NLRP5: variants seen among roughly 807,000 people sequenced by gnomAD.
NLRP5 encodes NACHT, LRR and PYD domains-containing protein 5.
A neutral mutation model predicts 113.1 loss-of-function variants in NLRP5; 93 were observed. The ratio of observed to expected loss-of-function variants is 0.82; its 90% CI spans 0.70 to 0.98. The LOEUF (loss-of-function observed/expected upper bound fraction) is 0.98. NLRP5 is among the 50% of genes least tolerant of loss of function. The pLI, the probability that NLRP5 is intolerant of heterozygous loss-of-function variation, is 0.00. For synonymous variants in NLRP5, 751 were observed against 600.7 expected (o/e 1.25, Z -3.66); for missense variants, 1,808 against 1,514.3 (o/e 1.19, Z -3.22).
At chr19:56,013,590 A>G (rs1173540982) in intron 3 of NLRP5, among the ~76,000 whole-genome samples, 3 of 35,662 alleles carry the variant, frequency 8.4e-5, no homozygotes, top group African/African-American at 4.0e-4. Context: ...CATGATGGAC[A>G]TTTGGGTTTT....
At chr19:56,000,435 A>G (rs997950834) in intron 1 of NLRP5, among the ~76,000 whole-genome samples, 15 of 151,634 alleles carry the variant, frequency 9.9e-5, no homozygotes, top group African/African-American at 3.1e-4. Context: ...CACGATCTTG[A>G]CTCACTGCAA....
chr19:55,988,051 T>C, the NLRP5 span: 2 of 663,076 alleles, frequency 3.0e-6, no homozygotes, highest in Admixed American at 4.3e-5. Flanking sequence ...CCACAGAACC[T>C]CAGCTTTGAA....
Position 56,004,081 on chromosome 19 carries a change from G to A in NLRP5, c.428G>A (p.Arg143Gln), listed in dbSNP as rs746147069. The A allele has an allele frequency of 1.1e-5, 18 of 1,606,428 alleles. 1 individual carries two copies. The highest frequency in any genetic ancestry group is 1.7e-4 in the Middle Eastern group (1 of 5,972). The stretch of plus-strand genomic sequence containing the variant: ...CTGCGAACCCTCTCGGAGAAGGCAC[G>A]GGATGACATGAAAAGTAAGCGAGAC... The change falls in exon 2 of 15, where the codon CGG (arginine) becomes CAG (glutamine). Residue 143 changes from arginine (R) to glutamine (Q), a missense_variant. Transcript: ENST00000390649.
At chr19:56,025,695 C>T (rs576053765) in intron 6 of NLRP5, among the ~76,000 whole-genome samples, 1 of 152,178 alleles carries the variant, frequency 6.6e-6, no homozygotes, top group East Asian at 1.9e-4. Flanking sequence ...CAGGGGTGAG[C>T]CAGCACATCC....
the NLRP5 span, chr19:55,988,167 A>T: frequency 7.6e-6 from 2 of 262,552 alleles, no homozygotes; most frequent in African/African-American, 4.5e-5. Context: ...CGAGGTGGGC[A>T]GATTACCTGA....
upstream of NLRP5, among the ~76,000 whole-genome samples, chr19:55,999,212 C>CTTTTTTTTTTTT (rs906346601): frequency 9.0e-6 from 1 of 111,714 alleles, no homozygotes; most frequent in African/African-American, 3.5e-5. Context: ...TTTTCTTTTT[C>CTTTTTTTTTTTT]TTTTTTTTTT....
At chr19:56,020,111 C>T (rs970047425) in intron 5 of NLRP5, among the ~76,000 whole-genome samples, 1 of 151,926 alleles carries the variant, frequency 6.6e-6, no homozygotes, top group African/African-American at 2.4e-5. Flanking sequence ...GGATTACAGG[C>T]ATGAGCCACC....
At chr19:55,998,065 G>GA (rs1199842773), upstream of NLRP5, among the ~76,000 whole-genome samples, 3 of 152,086 alleles carry the variant, frequency 2.0e-5, no homozygotes, top group Non-Finnish European at 2.9e-5. Context: ...CACACACACA[G>GA]AAAACATCTT....
intron 1 of NLRP5, among the ~76,000 whole-genome samples, chr19:56,000,404 A>G (rs1013372477): frequency 3.3e-5 from 5 of 152,070 alleles, no homozygotes; most frequent in African/African-American, 1.2e-4. Context: ...TCATTCTGTC[A>G]CCCAGGCTGG....
intron 1 of NLRP5, 90 bp from the exon 2 acceptor site, chr19:56,003,646 C>T (rs1981739188): frequency 2.6e-5 from 37 of 1,438,656 alleles, no homozygotes; most frequent in Middle Eastern, 1.8e-4. Context: ...AAGAGAAGGC[C>T]GTTCATCTAG....
intron 4 of NLRP5, among the ~76,000 whole-genome samples, chr19:56,017,126 T>C (rs1406588331): frequency 2.6e-5 from 4 of 152,148 alleles, no homozygotes; most frequent in Admixed American, 2.6e-4. Context: ...TTCATTTCTT[T>C]AAGGCTGTTA....
At chr19:55,998,714 G>GTGTGTATA (rs796632835), upstream of NLRP5, among the ~76,000 whole-genome samples, 2 of 76,006 alleles carry the variant, frequency 2.6e-5, no homozygotes, top group South Asian at 1.0e-3. Context: ...GTGTGTGTGT[G>GTGTGTATA]TATATATATA....
chr19:56,040,355 A>G (rs1431484747), intron 10 of NLRP5, among the ~76,000 whole-genome samples: 2 of 152,146 alleles, frequency 1.3e-5, no homozygotes, highest in Admixed American at 1.3e-4. Flanking sequence ...CAGGAGTTGG[A>G]GGCCAGCTTC....
intron 10 of NLRP5, among the ~76,000 whole-genome samples, chr19:56,040,605 A>G (rs1983485170): frequency 6.6e-6 from 1 of 152,146 alleles, no homozygotes; most frequent in South Asian, 2.1e-4. Flanking sequence ...ATAAATTGGA[A>G]AAATTACTCA....
intron 3 of NLRP5, among the ~76,000 whole-genome samples, chr19:56,013,596 G>GGTTTTTTTTTTTTTTTTTTTTTTTTTT (rs1555765383): frequency 1.3e-4 from 8 of 59,288 alleles, no homozygotes; most frequent in African/African-American, 2.6e-4. Flanking sequence ...GGACATTTGG[G>GGTTTTTTTTTTTTTTTTTTTTTTTTTT]TTTTTTTTTT....
Position 56,030,711 on chromosome 19 carries a change from C to CTTTTTTTTTTTTTTTTTTTTTTT in NLRP5, c.2277-1898_2277-1897insTTTTTTTTTTTTTTTTTTTTTTT, listed in dbSNP as rs1251579019. 3.6e-4 allele frequency among the ~76,000 whole-genome samples: 17 copies of CTTTTTTTTTTTTTTTTTTTTTTT among 47,772 alleles called. 3 individuals are homozygous for CTTTTTTTTTTTTTTTTTTTTTTT. The highest frequency in any genetic ancestry group is 7.4e-4 in the South Asian group (1 of 1,354). The allele number at this position is 47,772 out of a possible 152,430, so 31.3% of individuals were successfully genotyped here. On this transcript the variant is annotated intron_variant, in intron 7 of 14. Coordinates refer to ENST00000390649, the MANE Select transcript of NLRP5 (RefSeq NM_153447.4). The stretch of plus-strand genomic sequence containing the variant: ...TATACTTACATTCATTCGCTTTCTT[C>CTTTTTTTTTTTTTTTTTTTTTTT]TTCTTTTTTTTTTTTTTTTTTGAGA...
At chr19:55,995,291 T>G (rs895062852), upstream of NLRP5, among the ~76,000 whole-genome samples, 6 of 152,118 alleles carry the variant, frequency 3.9e-5, no homozygotes, top group Admixed American at 3.3e-4. Context: ...CAAACCAACA[T>G]GGCACATGTA....
At chr19:56,012,118 A>T (rs1982217675) in intron 3 of NLRP5, among the ~76,000 whole-genome samples, 1 of 151,802 alleles carries the variant, frequency 6.6e-6, no homozygotes, top group Non-Finnish European at 1.5e-5. Flanking sequence ...CACCCCCACA[A>T]GGAAAGGTGT....
intron 7 of NLRP5, among the ~76,000 whole-genome samples, chr19:56,030,836 T>C (rs1983078811): frequency 6.7e-6 from 1 of 150,186 alleles, no homozygotes; most frequent in Non-Finnish European, 1.5e-5. Context: ...TGCTTCGGCC[T>C]CCCTAGTAGC....
Sources: gnomAD v4.1 joint callset for allele counts (sites outside exome capture counted in the v4.1 genomes callset) on GRCh38, gnomAD v4.1.1 for gene constraint, MANE v1.5 for transcripts, NCBI Gene and HGNC (gene_info 2026-07-23, HGNC 2026-07-21) for gene names.